The following SMG6 variants were observed in gnomAD, a reference collection of about 807,000 sequenced individuals.
SMG6 encodes the protein SMG6 nonsense mediated mRNA decay factor, also known as telomerase-binding protein EST1A.
SMG6 carries 66 observed loss-of-function variants against 142.2 expected under a neutral mutation model. The observed-to-expected ratio is 0.46, with a 90% CI of 0.38 to 0.57. The LOEUF (loss-of-function observed/expected upper bound fraction) is 0.57, where lower values mean the gene tolerates loss of function less well. Ranked by LOEUF, SMG6 falls within the 20% of genes least tolerant of loss-of-function variation. The pLI is 0.00. For synonymous variants in SMG6, 779 were observed against 702.4 expected (o/e 1.11, Z -1.72); for missense variants, 1,793 against 1,832.0 (o/e 0.98, Z 0.39).
intron 10 of SMG6, chr17:2,213,586 G>A (rs2072927233): frequency 6.6e-6 from 1 of 152,234 alleles, no homozygotes; most frequent in Non-Finnish European, 1.5e-5. Context: ...ACAAAAGAAT[G>A]AGGATGCACT....
Position 2,087,332 on chromosome 17 carries a change from C to T in SMG6, c.3358-1431G>A, listed in dbSNP as rs1423455757. On this transcript the variant is annotated intron_variant, in intron 13 of 18. Coordinates refer to ENST00000263073, the MANE Select transcript of SMG6 (RefSeq NM_017575.5). ...GTGGAAATAAATGAGCACCGCTGTG[C>T]AGGCTGGCTGCCCAGGAAAGTGCGG... The T allele has an allele frequency of 4.1e-6, 5 of 1,212,408 alleles. No homozygotes were observed. In the South Asian group the frequency reaches 4.3e-5, roughly 10 times the overall value. The allele number at this position is 1,212,408 out of a possible 1,614,324, so 75.1% of individuals were successfully genotyped here.
At chr17:2,194,228 G>C (rs1294467929) in intron 10 of SMG6, among the ~76,000 whole-genome samples, 3 of 152,212 alleles carry the variant, frequency 2.0e-5, no homozygotes, top group African/African-American at 7.2e-5. Flanking sequence ...AAAGTATAGG[G>C]CCTGCAATGC....
intron 8 of SMG6, among the ~76,000 whole-genome samples, chr17:2,251,286 C>A (rs1013898963): frequency 6.6e-6 from 1 of 151,070 alleles, no homozygotes; most frequent in African/African-American, 2.4e-5. Flanking sequence ...AAAAAAAGCA[C>A]GGGAAAACCA....
chr17:2,125,350 G>C (rs1351570874), intron 13 of SMG6, among the ~76,000 whole-genome samples: 1 of 152,018 alleles, frequency 6.6e-6, no homozygotes, highest in Non-Finnish European at 1.5e-5. Flanking sequence ...GATACTACAA[G>C]GCCTCTGAAG....
chr17:2,115,204 CAG>C (rs2069469814), intron 13 of SMG6, among the ~76,000 whole-genome samples: 1 of 151,920 alleles, frequency 6.6e-6, no homozygotes, highest in Admixed American at 6.6e-5. Flanking sequence ...CTCTAGCAAA[CAG>C]AGTGTTTAAC....
At chr17:2,078,296 T>G (rs2068316277) in intron 15 of SMG6, among the ~76,000 whole-genome samples, 1 of 152,098 alleles carries the variant, frequency 6.6e-6, no homozygotes, top group Admixed American at 6.5e-5. Flanking sequence ...AAATAGTATT[T>G]AATATGAAAT....
chr17:2,132,494 C>G (rs1221948799), intron 13 of SMG6, among the ~76,000 whole-genome samples: 1 of 152,196 alleles, frequency 6.6e-6, no homozygotes, highest in South Asian at 2.1e-4. Flanking sequence ...GGTGCTCTTA[C>G]CTGCTACAAC....
intron 4 of SMG6, among the ~76,000 whole-genome samples, chr17:2,293,359 G>A (rs62066964): frequency 5.3e-5 from 8 of 152,140 alleles, no homozygotes; most frequent in African/African-American, 1.9e-4. Context: ...TCACCTGAAT[G>A]TAAAAGTAAC....
At chr17:2,106,560 T>C (rs1597392664) in intron 13 of SMG6, among the ~76,000 whole-genome samples, 2 of 152,206 alleles carry the variant, frequency 1.3e-5, no homozygotes, top group African/African-American at 4.8e-5. Flanking sequence ...AGAGAGGTCT[T>C]ATGTCCCACA....
chr17:2,228,437 C>T (rs148821920), intron 10 of SMG6, among the ~76,000 whole-genome samples: 3,762 of 152,086 alleles, frequency 0.025, 68 homozygotes, highest in South Asian at 0.066. Flanking sequence ...CCATCTTGGC[C>T]AGGCTGGTCT....
In SMG6 at chr17:2,239,711, C is replaced by T. The variant is rs573811339; in HGVS notation, c.2724-3074G>A. On this transcript the variant is annotated intron_variant, in intron 9 of 18. Coordinates refer to ENST00000263073, the MANE Select transcript of SMG6 (RefSeq NM_017575.5). The stretch of plus-strand genomic sequence containing the variant: ...AGTTTTCTAAATACTTTACAAAGAG[C>T]ACTGTAAAGAAAGAAAAGATTTCTC... 3.9e-5 allele frequency among the ~76,000 whole-genome samples: 6 copies of T among 151,948 alleles called. No individual in the cohort carries two copies. In the South Asian group the frequency reaches 1.0e-3, roughly 26 times the overall value.
At chr17:2,298,144 T>G in intron 2 of SMG6, 89 bp from the exon 3 acceptor site, 1 of 1,212,492 alleles carries the variant, frequency 8.2e-7, no homozygotes, top group Non-Finnish European at 1.1e-6. Flanking sequence ...ATTAACCACC[T>G]CCCCTGGCAG....
At chr17:2,138,419 T>C (rs370663007) in intron 13 of SMG6, among the ~76,000 whole-genome samples, 1 of 152,294 alleles carries the variant, frequency 6.6e-6, no homozygotes, top group East Asian at 1.9e-4. Flanking sequence ...GAACCCCCAG[T>C]GGCTGTGGCC....
At chr17:2,289,136 T>A (rs945116874) in intron 6 of SMG6, among the ~76,000 whole-genome samples, 2 of 148,832 alleles carry the variant, frequency 1.3e-5, no homozygotes, top group South Asian at 4.3e-4. Flanking sequence ...TGTAGTTGCA[T>A]CTATTTGGGG....
intron 13 of SMG6, among the ~76,000 whole-genome samples, chr17:2,122,116 TA>T (rs1309798342): frequency 3.3e-5 from 5 of 151,942 alleles, no homozygotes; most frequent in East Asian, 3.9e-4. Context: ...TTATAGGCAT[TA>T]AAAAAATTAT....
At chr17:2,300,740 T>C (rs191119919) in intron 1 of SMG6, 76 bp from the exon 2 acceptor site, 4 of 1,343,430 alleles carry the variant, frequency 3.0e-6, no homozygotes, top group African/African-American at 2.9e-5. Context: ...GGAAAGACTG[T>C]CATTCTGGTT....
intron 12 of SMG6, among the ~76,000 whole-genome samples, chr17:2,179,213 C>T (rs1456164708): frequency 6.6e-6 from 1 of 152,174 alleles, no homozygotes; most frequent in Non-Finnish European, 1.5e-5. Context: ...CTTCCCACAG[C>T]CACCACCACT....
chr17:2,173,914 C>T (rs2071583131), intron 12 of SMG6, among the ~76,000 whole-genome samples: 2 of 138,306 alleles, frequency 1.4e-5, no homozygotes, highest in South Asian at 2.3e-4. Context: ...GCATATAGGG[C>T]CTGCCAAGGC....
chr17:2,061,783 G>T lies in SMG6; in HGVS notation c.4130-161C>A, dbSNP rs1204309185. 12 of 817,912 alleles carry T rather than the reference G, an allele frequency of 1.5e-5. 1 individual carries two copies. The highest frequency in any genetic ancestry group is 3.5e-4 in the Middle Eastern group (1 of 2,844). 50.7% of individuals were successfully genotyped at this position (817,912 alleles called of 1,614,324 possible). A position where few individuals can be genotyped will look rare whatever the true frequency, so the allele number is the denominator to read the frequency against. ...TCCTCCGTCCGGGCTCTCAGCCCCG[G>T]GGACCCTCCCCTGCTGGCCTAGAGA... On this transcript the variant is annotated intron_variant, in intron 18 of 18. Coordinates refer to ENST00000263073, the MANE Select transcript of SMG6 (RefSeq NM_017575.5).
Sources: allele counts gnomAD v4.1 joint callset (sites outside exome capture counted in the v4.1 genomes callset), GRCh38; gene constraint gnomAD v4.1.1; transcripts MANE v1.5; gene names NCBI Gene and HGNC (gene_info 2026-07-23, HGNC 2026-07-21).